HDAC9: variants seen among roughly 807,000 people sequenced by gnomAD.
HDAC9 encodes the protein MEF-2 interacting transcription repressor (MITR) protein.
A neutral mutation model predicts 139.4 loss-of-function variants in HDAC9; 41 were observed. That is an observed-to-expected ratio of 0.29 (90% CI 0.23 to 0.38). HDAC9 has a LOEUF of 0.38. Among genes scored for constraint, HDAC9 ranks in the 10% least tolerant of loss-of-function variants. The probability of loss-of-function intolerance (pLI) is 1.00; values close to 1 mark genes in which losing one functional copy is unlikely to be tolerated. For synonymous variants in HDAC9, 517 were observed against 476.2 expected, an observed-to-expected ratio of 1.09 and a Z score of -1.12; for missense variants, 1,147 against 1,297.0, an observed-to-expected ratio of 0.88 and a Z score of 1.78.
At chr7:18,198,728 G>A (rs1267238984) in intron 2 of HDAC9, among the ~76,000 whole-genome samples, 1 of 152,046 alleles carries the variant, frequency 6.6e-6, no homozygotes, top group Non-Finnish European at 1.5e-5. Flanking sequence ...CCAAAAAATA[G>A]TTTGGAGAAA....
At chr7:18,957,320 G>A (rs1292012763) in intron 24 of HDAC9, among the ~76,000 whole-genome samples, 1 of 152,130 alleles carries the variant, frequency 6.6e-6, no homozygotes, top group East Asian at 1.9e-4. Context: ...AATGTCCACA[G>A]AGCAATAAAA....
chr7:18,383,263 G>A (rs962736755), intron 1 of HDAC9, among the ~76,000 whole-genome samples: 3 of 152,182 alleles, frequency 2.0e-5, no homozygotes, highest in African/African-American at 7.2e-5. Context: ...TGCAGGGATG[G>A]CACATTTGTG....
intron 22 of HDAC9, among the ~76,000 whole-genome samples, chr7:18,900,631 C>G (rs1474978974): frequency 6.6e-6 from 1 of 152,180 alleles, no homozygotes; most frequent in Non-Finnish European, 1.5e-5. Flanking sequence ...CCTTGATAGT[C>G]TAGCAGGGAG....
At chr7:18,894,297 C>G (rs1800969830) in intron 22 of HDAC9, among the ~76,000 whole-genome samples, 1 of 152,122 alleles carries the variant, frequency 6.6e-6, no homozygotes, top group African/African-American at 2.4e-5. Flanking sequence ...AAAAGAGATG[C>G]AAAGACTGTT....
At chr7:18,526,724 G>A (rs1380693098) in intron 2 of HDAC9, among the ~76,000 whole-genome samples, 1 of 152,090 alleles carries the variant, frequency 6.6e-6, no homozygotes, top group African/African-American at 2.4e-5. Context: ...AGGATCTATG[G>A]CTTAGGATAG....
intron 12 of HDAC9, among the ~76,000 whole-genome samples, chr7:18,718,224 G>GT (rs889777050): frequency 2.1e-4 from 32 of 151,844 alleles, no homozygotes; most frequent in African/African-American, 7.7e-4. Context: ...TATGGTATGT[G>GT]TTTTTTTGTT....
chr7:18,445,567 T>C (rs1231531562), intron 1 of HDAC9, among the ~76,000 whole-genome samples: 1 of 152,214 alleles, frequency 6.6e-6, no homozygotes, highest in Non-Finnish European at 1.5e-5. Context: ...TGATATCAAT[T>C]AATGTTCATA....
intron 1 of HDAC9, among the ~76,000 whole-genome samples, chr7:18,295,327 A>T (rs1306994007): frequency 6.6e-6 from 1 of 152,176 alleles, no homozygotes; most frequent in Non-Finnish European, 1.5e-5. Flanking sequence ...GTGATTATCC[A>T]TGTCAAATGC....
chr7:18,451,368 CGTGTGT>C (rs71553928), intron 1 of HDAC9, among the ~76,000 whole-genome samples: 102 of 138,872 alleles, frequency 7.3e-4, no homozygotes, highest in Middle Eastern at 3.9e-3. Flanking sequence ...TGTATATGTG[CGTGTGT>C]GTGTGTGTGT....
At chr7:18,494,875 CT>C (rs1563046378), upstream of HDAC9, among the ~76,000 whole-genome samples, 1 of 151,964 alleles carries the variant, frequency 6.6e-6, no homozygotes, top group Non-Finnish European at 1.5e-5. Flanking sequence ...CTTTCTTTTC[CT>C]TTTGCAAGTA....
chr7:18,632,295 G>A (rs554467325), intron 7 of HDAC9, among the ~76,000 whole-genome samples: 1 of 152,122 alleles, frequency 6.6e-6, no homozygotes, highest in South Asian at 2.1e-4. Flanking sequence ...CTAATAATTT[G>A]CTCAAATCCC....
chr7:18,126,155 CT>C (rs1784654179), intron 1 of HDAC9, among the ~76,000 whole-genome samples: 1 of 152,050 alleles, frequency 6.6e-6, no homozygotes, highest in Non-Finnish European at 1.5e-5. Context: ...CGCTTGTGTC[CT>C]GTGGTTGAAC....
chr7:18,365,265 T>C (rs932449094), intron 1 of HDAC9, among the ~76,000 whole-genome samples: 3 of 152,060 alleles, frequency 2.0e-5, no homozygotes, highest in African/African-American at 7.2e-5. Context: ...TGTAAATAAA[T>C]TTTAGATCTA....
intron 22 of HDAC9, among the ~76,000 whole-genome samples, chr7:18,924,617 A>G (rs1804049286): frequency 2.0e-5 from 3 of 152,162 alleles, no homozygotes; most frequent in Admixed American, 1.3e-4. Flanking sequence ...TTGTTTTTCT[A>G]CCATTTAACA....
chr7:18,755,159 C>A (rs908353545), intron 14 of HDAC9, among the ~76,000 whole-genome samples: 2 of 152,124 alleles, frequency 1.3e-5, no homozygotes, highest in Admixed American at 1.3e-4. Flanking sequence ...TACAAGTGAT[C>A]TAGATTTGAT....
intron 6 of HDAC9, among the ~76,000 whole-genome samples, chr7:18,595,418 T>G (rs1310918316): frequency 3.3e-5 from 5 of 152,120 alleles, no homozygotes; most frequent in Admixed American, 3.3e-4. Flanking sequence ...TTCTAAAACA[T>G]GAGTATAGTT....
At chr7:18,640,158 G>A (rs1785109734) in intron 8 of HDAC9, among the ~76,000 whole-genome samples, 3 of 151,512 alleles carry the variant, frequency 2.0e-5, no homozygotes, top group Admixed American at 2.0e-4. Context: ...AGCAATTCGG[G>A]AGGCTGAGGT....
At chr7:18,674,571 G>A (rs1781383254) in intron 12 of HDAC9, among the ~76,000 whole-genome samples, 1 of 151,904 alleles carries the variant, frequency 6.6e-6, no homozygotes, top group African/African-American at 2.4e-5. Context: ...ACTCTATTGT[G>A]TTCATCATTG....
intron 1 of HDAC9, among the ~76,000 whole-genome samples, chr7:18,369,621 A>T (rs1463942601): frequency 6.6e-6 from 1 of 152,084 alleles, no homozygotes; most frequent in Non-Finnish European, 1.5e-5. Context: ...CTATAAATGA[A>T]ATACATTTTC....
Sources: allele counts gnomAD v4.1 joint callset (sites outside exome capture counted in the v4.1 genomes callset), GRCh38; gene constraint gnomAD v4.1.1; transcripts MANE v1.5; gene names NCBI Gene and HGNC (gene_info 2026-07-23, HGNC 2026-07-21).